Variants in HMGN5 observed in about 807,000 individuals in gnomAD.
The protein encoded by HMGN5 is high mobility group nucleosome-binding domain-containing protein 5.
Under a neutral mutation model 9.5 loss-of-function variants are expected in HMGN5, and 4 were observed. The ratio of observed to expected loss-of-function variants is 0.42; its 90% CI spans 0.21 to 0.96. The LOEUF (loss-of-function observed/expected upper bound fraction) is 0.96, where lower values mean the gene tolerates loss of function less well. Among genes scored for constraint, HMGN5 ranks in the 40% least tolerant of loss-of-function variants. The pLI, the probability that HMGN5 is intolerant of heterozygous loss-of-function variation, is 0.30. For synonymous variants in HMGN5, 55 were observed against 57.1 expected (o/e 0.96, Z 0.16); for missense variants, 192 against 187.5 (o/e 1.02, Z -0.14).
At chrX:81,118,545 G>T in intron 4 of HMGN5, 60 bp from the exon 5 acceptor site, 2 of 957,823 alleles carry the variant, frequency 2.1e-6, no homozygotes, top group Non-Finnish European at 2.9e-6. Context: ...AAGAAAGAAC[G>T]CTAAAAATGA....
chrX:81,155,102 T>TATATATATATAC (rs1407923805), intron 1 of HMGN5, among the ~76,000 whole-genome samples: 3 of 91,066 alleles, frequency 3.3e-5, no homozygotes, highest in African/African-American at 1.2e-4. Flanking sequence ...TATATATATA[T>TATATATATATAC]ACACACACAC....
At chrX:81,151,847 G>A (rs2075363524) in intron 1 of HMGN5, among the ~76,000 whole-genome samples, 1 of 109,982 alleles carries the variant, frequency 9.1e-6, no homozygotes, top group Non-Finnish European at 1.9e-5. Flanking sequence ...GGAGATTTTG[G>A]GCTGAGACAA....
chrX:81,126,494 T>C (rs1004645857), intron 1 of HMGN5, among the ~76,000 whole-genome samples: 4 of 111,905 alleles, frequency 3.6e-5, no homozygotes, highest in African/African-American at 1.3e-4. Context: ...TGTTTTTTGG[T>C]CTAAAGTAAG....
At chrX:81,198,206 G>T (rs1325979669) in intron 1 of HMGN5, among the ~76,000 whole-genome samples, 1 of 111,712 alleles carries the variant, frequency 9.0e-6, no homozygotes, top group Admixed American at 9.5e-5. Context: ...ACATAATTTA[G>T]GTTTAGTTCG....
intron 1 of HMGN5, among the ~76,000 whole-genome samples, chrX:81,170,321 G>GAGCA (rs2075422785): frequency 9.0e-6 from 1 of 111,438 alleles, no homozygotes; most frequent in African/African-American, 3.3e-5. Flanking sequence ...GAGCAAAGTA[G>GAGCA]AGCAAGCACT....
intron 1 of HMGN5, among the ~76,000 whole-genome samples, chrX:81,146,081 T>G (rs150547991): frequency 6.7e-4 from 74 of 110,876 alleles, no homozygotes; most frequent in African/African-American, 2.4e-3. Flanking sequence ...CTGTCAACAA[T>G]AGACAGATCA....
At chrX:81,134,059 T>A (rs2075304857) in intron 1 of HMGN5, among the ~76,000 whole-genome samples, 1 of 111,563 alleles carries the variant, frequency 9.0e-6, no homozygotes, top group Non-Finnish European at 1.9e-5. Context: ...ACGAATTTAT[T>A]AATGATGAAA....
intron 1 of HMGN5, among the ~76,000 whole-genome samples, chrX:81,183,682 G>A (rs746158273): frequency 8.8e-6 from 1 of 113,079 alleles, no homozygotes; most frequent in East Asian, 2.8e-4. Flanking sequence ...TGCTAGGGCA[G>A]CATGGAGGGG....
chrX:81,140,824 T>G (rs1206456716), intron 1 of HMGN5, among the ~76,000 whole-genome samples: 1 of 111,059 alleles, frequency 9.0e-6, no homozygotes, highest in South Asian at 3.8e-4. Context: ...GTTACCAGCA[T>G]GGCCACGGGG....
At chrX:81,128,869 T>C (rs1413367225) in intron 1 of HMGN5, among the ~76,000 whole-genome samples, 1 of 112,306 alleles carries the variant, frequency 8.9e-6, no homozygotes, top group Non-Finnish European at 1.9e-5. Context: ...GTCTTGAATA[T>C]TAATTTTTGC....
Position 81,114,708 on chromosome X carries a change from C to T in HMGN5, c.790G>A (p.Glu264Lys), listed in dbSNP as rs1187263955. ...EDLKEEEEGK[E>K]EDEIKEDDGK... The stretch of plus-strand genomic sequence containing the variant: ...TCATCTTCTTTGATCTCATCTTCCT[C>T]TTTTCCTTCTTCCTCTTCTTTTAAA... Residue 264 changes from glutamate to lysine, a missense_variant, in exon 7 of 7, where the codon GAG becomes AAG. Coordinates refer to ENST00000358130, the MANE Select transcript of HMGN5 (RefSeq NM_030763.3). The T allele has an allele frequency of 1.7e-6, 2 of 1,156,754 alleles. No individual in the cohort carries two copies. The highest frequency in any genetic ancestry group is 2.7e-5 in the Admixed American group (1 of 36,939).
At chrX:81,176,543 A>G in intron 1 of HMGN5, among the ~76,000 whole-genome samples, 1 of 111,573 alleles carries the variant, frequency 9.0e-6, no homozygotes, top group Admixed American at 9.5e-5. Context: ...CTTGAAAAAA[A>G]GGTTAGACGA....
chrX:81,125,574 A>G (rs754253514), intron 1 of HMGN5, among the ~76,000 whole-genome samples: 1 of 112,140 alleles, frequency 8.9e-6, no homozygotes, highest in East Asian at 2.8e-4. Flanking sequence ...TGAATTAAAG[A>G]GTAGCCACTG....
intron 1 of HMGN5, among the ~76,000 whole-genome samples, chrX:81,189,308 G>GT: frequency 9.0e-6 from 1 of 110,723 alleles, no homozygotes; most frequent in Non-Finnish European, 1.9e-5. Context: ...AGGTGTACTT[G>GT]TTTTTTATTG....
At chrX:81,185,503 A>G in intron 1 of HMGN5, among the ~76,000 whole-genome samples, 1 of 111,959 alleles carries the variant, frequency 8.9e-6, no homozygotes, top group East Asian at 2.8e-4. Context: ...ATTAGTTCTA[A>G]TAGCTCTTTG....
At chrX:81,183,030 A>G (rs1238696337) in intron 1 of HMGN5, among the ~76,000 whole-genome samples, 1 of 112,054 alleles carries the variant, frequency 8.9e-6, no homozygotes, top group East Asian at 2.8e-4. Flanking sequence ...GAGGTCTCAG[A>G]TGAAGATAAG....
intron 1 of HMGN5, among the ~76,000 whole-genome samples, chrX:81,144,839 A>T (rs151265397): frequency 0.011 from 1,265 of 111,941 alleles, 18 homozygotes; most frequent in African/African-American, 0.039. Context: ...TAGCACAAGA[A>T]CTTCTTGAAG....
At chrX:81,159,789 G>A (rs145062535) in intron 1 of HMGN5, among the ~76,000 whole-genome samples, 91 of 110,038 alleles carry the variant, frequency 8.3e-4, no homozygotes, top group African/African-American at 2.8e-3. Context: ...TAAAGTGTTG[G>A]GATTACAGGC....
In HMGN5 at chrX:81,115,092, C is replaced by T; in HGVS notation, c.406G>A (p.Asp136Asn). The T allele has an allele frequency of 1.7e-6, 2 of 1,152,856 alleles. No homozygotes were observed. The highest frequency in any genetic ancestry group is 2.3e-6 in the Non-Finnish European group (2 of 867,289). ...EEEDQKEDEE[D>N]QNEEKGEAGK... ...GCTTCCCCTTTCTCTTCGTTTTGAT[C>T]TTCTTCATCTTCTTTCTGATCTTCT... The change falls in exon 7 of 7, where the codon GAT becomes AAT. Residue 136 changes from aspartate to asparagine, a missense_variant. Asp to Asn is a conservative substitution (Grantham distance 23). Transcript: ENST00000358130.
Sources: allele counts gnomAD v4.1 joint callset (sites outside exome capture counted in the v4.1 genomes callset), GRCh38; gene constraint gnomAD v4.1.1; transcripts MANE v1.5; gene names NCBI Gene and HGNC (gene_info 2026-07-23, HGNC 2026-07-21).